Variants in TLK1 observed in about 807,000 individuals in gnomAD.
TLK1 encodes tousled like kinase 1.
TLK1 carries 24 observed loss-of-function variants against 105.3 expected under a neutral mutation model. The observed-to-expected ratio is 0.23, with a 90% CI of 0.17 to 0.32. The LOEUF (loss-of-function observed/expected upper bound fraction) is 0.32. Ranked by LOEUF, TLK1 falls within the 10% of genes least tolerant of loss-of-function variation. The probability of loss-of-function intolerance (pLI) is 1.00; values close to 1 mark genes in which losing one functional copy is unlikely to be tolerated. For missense variants in TLK1, 558 were observed against 910.5 expected (o/e 0.61, Z 4.98); for synonymous variants, 321 against 310.4 (o/e 1.03, Z -0.36).
At chr2:171,076,551 T>C (rs1041557262) in intron 3 of TLK1, among the ~76,000 whole-genome samples, 1 of 151,804 alleles carries the variant, frequency 6.6e-6, no homozygotes, top group African/African-American at 2.4e-5. Flanking sequence ...GTTTAGATAG[T>C]GAAAGTGCTA....
chr2:171,083,306 T>C (rs562919897), intron 2 of TLK1, among the ~76,000 whole-genome samples: 7 of 152,204 alleles, frequency 4.6e-5, no homozygotes, highest in Non-Finnish European at 8.8e-5. Context: ...CAAACTGTCC[T>C]GTTTTTCTTT....
intron 3 of TLK1, among the ~76,000 whole-genome samples, chr2:171,071,878 A>C: frequency 6.6e-6 from 1 of 152,188 alleles, no homozygotes; most frequent in East Asian, 1.9e-4. Context: ...TTTGTCAAAA[A>C]CAACTTCACT....
intron 1 of TLK1, among the ~76,000 whole-genome samples, chr2:171,145,242 A>C (rs1691744184): frequency 6.6e-6 from 1 of 152,152 alleles, no homozygotes; most frequent in Non-Finnish European, 1.5e-5. Context: ...CAAGAGGCAG[A>C]GGTTGCAGTG....
chr2:171,180,823 CTTTTTT>C (rs57223904), intron 1 of TLK1, among the ~76,000 whole-genome samples: 1 of 123,148 alleles, frequency 8.1e-6, no homozygotes, highest in Non-Finnish European at 1.8e-5. Context: ...TAAGAGGATG[CTTTTTT>C]TTTTTTTTTT....
rs186696569 is a variant in TLK1 at position 171,184,656 on chromosome 2, A to G, written c.-6+46489T>C. ...AAACTCCGTCTCAAAAAAAAAAAAA[A>G]AAAGAAAGAAAACTAGTATATCTTT... On this transcript the variant is annotated intron_variant, in intron 1 of 20. Transcript: ENST00000521943. 2.0e-3 allele frequency among the ~76,000 whole-genome samples: 302 copies of G among 150,072 alleles called. 3 individuals carry two copies. The highest frequency in any genetic ancestry group is 0.017 in the Middle Eastern group (5 of 290).
chr2:171,046,086 A>T, intron 11 of TLK1, 88 bp downstream of exon 11: 1 of 1,192,282 alleles, frequency 8.4e-7, no homozygotes, highest in Non-Finnish European at 1.1e-6. Context: ...TTTGCTATCT[A>T]AGTATTAATT....
At chr2:171,036,875 T>C (rs145057286) in intron 11 of TLK1, among the ~76,000 whole-genome samples, 1 of 152,294 alleles carries the variant, frequency 6.6e-6, no homozygotes, top group East Asian at 1.9e-4. Context: ...GTGGAAAGGA[T>C]GTGAATCTTT....
intron 19 of TLK1, 123 bp from the exon 20 acceptor site, chr2:170,996,883 TCA>T (rs1421983801): frequency 1.2e-6 from 1 of 803,594 alleles, no homozygotes; most frequent in Non-Finnish European, 1.9e-6. Flanking sequence ...AAAATCTTCC[TCA>T]GTTATTTGAA....
intron 3 of TLK1, among the ~76,000 whole-genome samples, chr2:171,075,197 G>A (rs1485037430): frequency 1.3e-5 from 2 of 151,834 alleles, no homozygotes; most frequent in African/African-American, 4.8e-5. Flanking sequence ...GCATTAAGAG[G>A]GCAAAAAAGA....
chr2:171,151,610 G>A (rs1692040501), intron 1 of TLK1, among the ~76,000 whole-genome samples: 1 of 151,438 alleles, frequency 6.6e-6, no homozygotes, highest in East Asian at 2.0e-4. Flanking sequence ...GAGTAGCTGG[G>A]ACTACAGGCG....
intron 2 of TLK1, among the ~76,000 whole-genome samples, chr2:171,115,036 T>C (rs529555975): frequency 1.2e-4 from 19 of 152,242 alleles, no homozygotes; most frequent in South Asian, 6.2e-4. Context: ...ATGGAAACAA[T>C]AGAAAAATAC....
At chr2:171,049,157 T>C (rs1042938772) in intron 10 of TLK1, among the ~76,000 whole-genome samples, 1 of 152,034 alleles carries the variant, frequency 6.6e-6, no homozygotes, top group South Asian at 2.1e-4. Context: ...GGGGCAAGGA[T>C]TGAAAAACTA....
chr2:171,063,810 A>G (rs1326784026), intron 3 of TLK1, among the ~76,000 whole-genome samples: 1 of 152,178 alleles, frequency 6.6e-6, no homozygotes. Context: ...GAACCATCAA[A>G]ATGCTAACAT....
intron 1 of TLK1, among the ~76,000 whole-genome samples, chr2:171,138,208 C>A (rs1691421026): frequency 6.6e-6 from 1 of 152,140 alleles, no homozygotes; most frequent in Non-Finnish European, 1.5e-5. Flanking sequence ...AGACAGTGTT[C>A]TAACTGGCCA....
At chr2:171,073,872 T>TTC (rs781595819) in intron 3 of TLK1, among the ~76,000 whole-genome samples, 6 of 68,886 alleles carry the variant, frequency 8.7e-5, no homozygotes, top group African/African-American at 2.4e-4. Context: ...AACTTAACAT[T>TTC]CCCCCCCCCC....
rs1683813186 is a variant in TLK1, at chr2:170,992,185, GTT to G, written c.*1593_*1594del. The stretch of plus-strand genomic sequence containing the variant: ...TAGTCTTTACATTTTAACTGTCATT[GTT>G]TATTACTGTTTTGGCTATACTCTCT... On this transcript the variant is annotated 3_prime_UTR_variant, in exon 21 of 21. Transcript: ENST00000431350. The G allele has an allele frequency of 6.6e-6, 1 of 152,056 alleles. No individual in the cohort carries two copies. Among genetic ancestry groups the G allele is most frequent in the South Asian group, 2.1e-4 (1 of 4,828 alleles). 9.4% of individuals were successfully genotyped at this position (152,056 alleles called of 1,614,324 possible).
At chr2:171,105,650 T>C (rs1338164350) in intron 2 of TLK1, among the ~76,000 whole-genome samples, 1 of 151,244 alleles carries the variant, frequency 6.6e-6, no homozygotes, top group Non-Finnish European at 1.5e-5. Context: ...ACTGCGCCAG[T>C]GCACTCCAGC....
intron 1 of TLK1, among the ~76,000 whole-genome samples, chr2:171,189,161 T>C (rs535561336): frequency 1.3e-5 from 2 of 149,290 alleles, no homozygotes; most frequent in East Asian, 3.9e-4. Flanking sequence ...ATATTGATAG[T>C]ACAATTTTTT....
intron 1 of TLK1, among the ~76,000 whole-genome samples, chr2:171,135,697 G>A (rs1367855876): frequency 2.0e-5 from 3 of 152,072 alleles, no homozygotes; most frequent in Admixed American, 6.6e-5. Flanking sequence ...AGCTACTCCA[G>A]AGGTTGGGGC....
Sources: gnomAD v4.1 joint callset for allele counts (sites outside exome capture counted in the v4.1 genomes callset) on GRCh38, gnomAD v4.1.1 for gene constraint, MANE v1.5 for transcripts, NCBI Gene and HGNC (gene_info 2026-07-23, HGNC 2026-07-21) for gene names.